The following VWA3B variants were observed in gnomAD, a reference collection of about 807,000 sequenced individuals.
VWA3B encodes von Willebrand factor A domain-containing protein 3B.
VWA3B carries 138 observed loss-of-function variants against 158.3 expected under a neutral mutation model. The observed-to-expected ratio is 0.87, with a 90% CI of 0.76 to 1.00. The LOEUF is 1.00. VWA3B is among the 50% of genes least tolerant of loss of function. The pLI is 0.00. For synonymous variants in VWA3B, 596 were observed against 587.3 expected, an observed-to-expected ratio of 1.01 and a Z score of -0.21; for missense variants, 1,555 against 1,565.1, an observed-to-expected ratio of 0.99 and a Z score of 0.11.
chr2:98,239,516 T>C lies in VWA3B; in HGVS notation c.2673+2786T>C, dbSNP rs371681977. On this transcript the variant is annotated intron_variant, in intron 19 of 27. Transcript: ENST00000477737. The stretch of plus-strand genomic sequence containing the variant: ...TTAACAGTTTAGCTGGGTGGTGAGA[T>C]TGTTGGGAGATGTTTTTTTTTTTTA... Among the ~76,000 whole-genome samples, 13 of 151,998 alleles carry C rather than the reference T, an allele frequency of 8.6e-5. No individual in the cohort carries two copies. In the East Asian group the frequency reaches 1.4e-3, roughly 16 times the overall value.
chr2:98,194,974 G>C (rs1681920959), intron 12 of VWA3B, among the ~76,000 whole-genome samples: 2 of 152,182 alleles, frequency 1.3e-5, no homozygotes, highest in Admixed American at 6.5e-5. Context: ...GTAGTAAGAA[G>C]GTGAAATCAT....
chr2:98,308,461 G>A (rs150683498), intron 26 of VWA3B, among the ~76,000 whole-genome samples: 41 of 152,358 alleles, frequency 2.7e-4, no homozygotes, highest in African/African-American at 9.9e-4. Flanking sequence ...GAGAACATAT[G>A]TGTAGTTTCT....
rs570206102 is a variant in VWA3B, at chr2:98,303,792, G to C, written c.3511G>C (p.Asp1171His). Residue 1171 changes from aspartate to histidine, a missense_variant, in exon 26 of 28, where the codon GAT becomes CAT. Coordinates refer to ENST00000477737, the MANE Select transcript of VWA3B (RefSeq NM_144992.5). ...TATAAAGTCACCCCCAATTCCTGAG[G>C]ATCCAGAAGTGTAAGTGTACTCAAC... ...SHIKSPPIPE[D>H]PEVEDVEARN... 3 of 1,614,040 alleles carry C rather than the reference G, an allele frequency of 1.9e-6. No individual in the cohort carries two copies. The African/African-American group carries it at 4.0e-5, about 22-fold the overall frequency.
intron 7 of VWA3B, among the ~76,000 whole-genome samples, chr2:98,135,012 T>C (rs887363455): frequency 6.6e-6 from 1 of 152,074 alleles, no homozygotes; most frequent in Non-Finnish European, 1.5e-5. Context: ...TCCAGAGAAT[T>C]CGAGAAAATG....
intron 7 of VWA3B, among the ~76,000 whole-genome samples, chr2:98,136,140 AG>A (rs377280785): frequency 6.6e-6 from 1 of 152,236 alleles, no homozygotes; most frequent in African/African-American, 2.4e-5. Context: ...ATAGGCTTTC[AG>A]GGTATGACTT....
chr2:98,140,627 G>A (rs1389196367), intron 7 of VWA3B, among the ~76,000 whole-genome samples: 1 of 152,178 alleles, frequency 6.6e-6, no homozygotes. Context: ...GCTGTCTGCT[G>A]GAGAGGGTAA....
intron 19 of VWA3B, among the ~76,000 whole-genome samples, chr2:98,249,973 C>T (rs958047142): frequency 3.3e-5 from 5 of 152,068 alleles, no homozygotes; most frequent in African/African-American, 1.2e-4. Context: ...TTTCTTATTG[C>T]CCACTCTTAC....
At chr2:98,279,410 A>G (rs759552150) in intron 22 of VWA3B, among the ~76,000 whole-genome samples, 1 of 151,956 alleles carries the variant, frequency 6.6e-6, no homozygotes, top group Non-Finnish European at 1.5e-5. Flanking sequence ...CTGCCTCTAC[A>G]TTTGTCTTTG....
rs558379576 is a variant in VWA3B, at chr2:98,181,184, C to T, written c.1283C>T (p.Pro428Leu). The change falls in exon 9 of 28, where the codon CCG becomes CTG. Residue 428 changes from proline to leucine, a missense_variant. By Grantham distance (98) the Pro-to-Leu change is moderately conservative (BLOSUM62 -3). Coordinates refer to ENST00000477737, the MANE Select transcript of VWA3B (RefSeq NM_144992.5). ...ADGVVDIKAKPENESVQTSAE... is the reference protein window; with the variant it reads ...ADGVVDIKAKLENESVQTSAE... ...GGGGTTGTGGATATAAAAGCCAAAC[C>T]GGAGAATGAGTCCGTGCAGACCAGT... 1.1e-5 allele frequency: 17 copies of T among 1,614,032 alleles called. No homozygotes were observed. Among genetic ancestry groups the T allele is most frequent in the African/African-American group, 4.0e-5 (3 of 74,918 alleles).
At chr2:98,281,172 G>A (rs1202837140) in intron 22 of VWA3B, among the ~76,000 whole-genome samples, 1 of 152,168 alleles carries the variant, frequency 6.6e-6, no homozygotes, top group Non-Finnish European at 1.5e-5. Context: ...TACTTTCTGG[G>A]TGGATGAAAT....
chr2:98,322,499 A>T, the VWA3B span, among the ~76,000 whole-genome samples: 1 of 152,252 alleles, frequency 6.6e-6, no homozygotes, highest in East Asian at 1.9e-4. Context: ...GCTAGCCCCT[A>T]AATTAGGCAT....
the VWA3B span, among the ~76,000 whole-genome samples, chr2:98,324,909 TAA>T: frequency 6.8e-6 from 1 of 147,902 alleles, no homozygotes. Context: ...GTCTTAATGT[TAA>T]AAAAAAAAAA....
Position 98,298,441 on chromosome 2 carries a change from T to TG in VWA3B, c.3282+410_3282+411insG, listed in dbSNP as rs1558773870. ...TCTATTCTATTCTATTCTATTCTATTCTATGCCATGCCATGCCATGCCATG... is the reference window on the plus strand; with the variant it reads ...TCTATTCTATTCTATTCTATTCTATTGCTATGCCATGCCATGCCATGCCATG... On this transcript the variant is annotated intron_variant, in intron 24 of 27. Transcript: ENST00000477737. Among the ~76,000 whole-genome samples the TG allele has an allele frequency of 4.2e-3, 494 of 118,202 alleles. 3 individuals carry two copies. Among genetic ancestry groups the TG allele is most frequent in the African/African-American group, 0.014 (467 of 32,972 alleles). The allele number at this position is 118,202 out of a possible 152,430, so 77.5% of individuals were successfully genotyped here. A position where few individuals can be genotyped will look rare whatever the true frequency, so the allele number is the denominator to read the frequency against.
intron 21 of VWA3B, among the ~76,000 whole-genome samples, chr2:98,257,132 C>T (rs1156857529): frequency 6.6e-6 from 1 of 152,014 alleles, no homozygotes; most frequent in South Asian, 2.1e-4. Context: ...CCTCTGGTAA[C>T]TATGATTCTA....
chr2:98,201,770 G>A (rs1410090966), intron 12 of VWA3B, among the ~76,000 whole-genome samples: 4 of 152,140 alleles, frequency 2.6e-5, no homozygotes, highest in Non-Finnish European at 4.4e-5. Context: ...AAGCCAAGTT[G>A]CCAAGTTGTA....
At chr2:98,298,493 CATTCT>C (rs1463341079) in intron 24 of VWA3B, among the ~76,000 whole-genome samples, 6 of 151,930 alleles carry the variant, frequency 3.9e-5, no homozygotes, top group African/African-American at 1.2e-4. Context: ...CATCCCATTC[CATTCT>C]ATTCTATTAC....
downstream of VWA3B, among the ~76,000 whole-genome samples, chr2:98,315,177 C>A (rs544389387): frequency 6.6e-6 from 1 of 152,092 alleles, no homozygotes; most frequent in Non-Finnish European, 1.5e-5. Context: ...TTTCATAAAT[C>A]CTTGAACATG....
intron 7 of VWA3B, among the ~76,000 whole-genome samples, chr2:98,159,775 G>A (rs1276606065): frequency 6.6e-6 from 1 of 151,826 alleles, no homozygotes; most frequent in African/African-American, 2.4e-5. Context: ...TCAGCACTTT[G>A]GGAGGCTGAG....
chr2:98,294,497 C>T (rs1047182687), intron 23 of VWA3B, among the ~76,000 whole-genome samples: 12 of 152,320 alleles, frequency 7.9e-5, no homozygotes, highest in African/African-American at 2.9e-4. Flanking sequence ...AACGTTATTC[C>T]AGGGGTCAGT....
Sources: allele counts gnomAD v4.1 joint callset (sites outside exome capture counted in the v4.1 genomes callset), GRCh38; gene constraint gnomAD v4.1.1; transcripts MANE v1.5; gene names NCBI Gene and HGNC (gene_info 2026-07-23, HGNC 2026-07-21).